CNTN3: variants seen among roughly 807,000 people sequenced by gnomAD.
CNTN3 encodes contactin 3, also known as contactin-3.
Under a neutral mutation model 119.1 loss-of-function variants are expected in CNTN3, and 60 were observed. The ratio of observed to expected loss-of-function variants is 0.50; its 90% CI spans 0.41 to 0.62. The LOEUF (loss-of-function observed/expected upper bound fraction) is 0.62, where lower values mean the gene tolerates loss of function less well. Ranked by LOEUF, CNTN3 falls within the 20% of genes least tolerant of loss-of-function variation. The pLI, the probability that CNTN3 is intolerant of heterozygous loss-of-function variation, is 0.00. For missense variants in CNTN3, 1,101 were observed against 1,242.4 expected (o/e 0.89, Z 1.71); for synonymous variants, 450 against 438.7 (o/e 1.03, Z -0.32).
chr3:74,595,229 C>T (rs1446845070), intron 1 of CNTN3, among the ~76,000 whole-genome samples: 21 of 151,440 alleles, frequency 1.4e-4, no homozygotes, highest in African/African-American at 4.6e-4. Flanking sequence ...AAAATTTTCT[C>T]CCATTTTGTA....
chr3:74,318,522 A>ATG (rs761614603), intron 13 of CNTN3, among the ~76,000 whole-genome samples: 61 of 152,166 alleles, frequency 4.0e-4, no homozygotes, highest in Admixed American at 9.2e-4. Flanking sequence ...TTTGGTGTGG[A>ATG]TGTCCTTTCT....
At chr3:74,331,512 A>G (rs1459168791) in intron 13 of CNTN3, among the ~76,000 whole-genome samples, 1 of 152,184 alleles carries the variant, frequency 6.6e-6, no homozygotes, top group Non-Finnish European at 1.5e-5. Flanking sequence ...CTGATGTGAA[A>G]AGAGATCCGA....
intron 1 of CNTN3, among the ~76,000 whole-genome samples, chr3:74,541,282 T>C (rs941133528): frequency 6.6e-6 from 1 of 152,092 alleles, no homozygotes; most frequent in African/African-American, 2.4e-5. Context: ...TTTACACTAC[T>C]CAACATGCAC....
At chr3:74,422,351 T>C (rs988045821) in intron 5 of CNTN3, among the ~76,000 whole-genome samples, 2 of 152,228 alleles carry the variant, frequency 1.3e-5, no homozygotes, top group Non-Finnish European at 2.9e-5. Context: ...ATGTCTGACA[T>C]CTGGGAAGAT....
intron 11 of CNTN3, among the ~76,000 whole-genome samples, chr3:74,359,639 T>TA (rs567993553): frequency 5.3e-4 from 81 of 152,296 alleles, no homozygotes; most frequent in African/African-American, 1.8e-3. Flanking sequence ...GCACCATCGC[T>TA]ATACAATGTG....
At chr3:74,481,010 A>C (rs1369939266) in intron 4 of CNTN3, among the ~76,000 whole-genome samples, 2 of 151,996 alleles carry the variant, frequency 1.3e-5, no homozygotes, top group African/African-American at 4.8e-5. Context: ...TTAATATAAC[A>C]ATATTAATAT....
At chr3:74,482,725 G>C (rs914088885) in intron 4 of CNTN3, among the ~76,000 whole-genome samples, 2 of 152,108 alleles carry the variant, frequency 1.3e-5, no homozygotes, top group African/African-American at 4.8e-5. Flanking sequence ...TGAACAATTA[G>C]AGAGAACATT....
At chr3:74,467,648 G>A (rs1177878046) in intron 4 of CNTN3, among the ~76,000 whole-genome samples, 1 of 152,012 alleles carries the variant, frequency 6.6e-6, no homozygotes, top group Non-Finnish European at 1.5e-5. Context: ...GAAATTAAGG[G>A]GTTGAGTTCA....
At chr3:74,385,369 T>C (rs1704722197) in intron 5 of CNTN3, among the ~76,000 whole-genome samples, 1 of 152,200 alleles carries the variant, frequency 6.6e-6, no homozygotes, top group African/African-American at 2.4e-5. Context: ...TCTCTGTCAC[T>C]TAACAAGGAG....
chr3:74,529,534 C>T (rs567422717), intron 1 of CNTN3, among the ~76,000 whole-genome samples: 1 of 152,012 alleles, frequency 6.6e-6, no homozygotes, highest in African/African-American at 2.4e-5. Flanking sequence ...GTTCCTCAGT[C>T]TCATTCTGAA....
At chr3:74,387,529 G>C (rs1704780849) in intron 5 of CNTN3, among the ~76,000 whole-genome samples, 1 of 152,250 alleles carries the variant, frequency 6.6e-6, no homozygotes, top group South Asian at 2.1e-4. Flanking sequence ...AGCTAAGTTT[G>C]CCATGAAGGC....
At chr3:74,473,054 T>C (rs1702593320) in intron 4 of CNTN3, among the ~76,000 whole-genome samples, 1 of 151,376 alleles carries the variant, frequency 6.6e-6, no homozygotes, top group Admixed American at 6.6e-5. Context: ...AATATTATAA[T>C]CTATAATAAT....
Position 74,588,794 on chromosome 3 carries a change from T to C in CNTN3, c.-81+25597A>G, listed in dbSNP as rs1274063189. On this transcript the variant is annotated intron_variant, in intron 1 of 22. Transcript: ENST00000263665. The stretch of plus-strand genomic sequence containing the variant: ...TGGAACAGAACAGAGCCCTCAGAAA[T>C]AACGCCGCATGTCTACAACTATCTG... Among the ~76,000 whole-genome samples the C allele has an allele frequency of 2.0e-5, 3 of 152,052 alleles. No homozygotes were observed. The South Asian group carries it at 6.2e-4, about 32-fold the overall frequency.
chr3:74,273,152 G>A (rs904156334), intron 20 of CNTN3, among the ~76,000 whole-genome samples: 3 of 152,100 alleles, frequency 2.0e-5, no homozygotes, highest in African/African-American at 7.2e-5. Flanking sequence ...AAAAATTTTA[G>A]AACTTCCAAA....
intron 4 of CNTN3, among the ~76,000 whole-genome samples, 181 bp from the exon 5 acceptor site, chr3:74,425,121 G>A (rs1295982667): frequency 2.6e-5 from 4 of 151,976 alleles, no homozygotes; most frequent in Non-Finnish European, 1.5e-5. Context: ...ACACGTACAG[G>A]TTTGTTATGT....
At chr3:74,575,606 A>ACACACACACAC (rs60119036) in intron 1 of CNTN3, among the ~76,000 whole-genome samples, 1 of 135,096 alleles carries the variant, frequency 7.4e-6, no homozygotes, top group Non-Finnish European at 1.6e-5. Flanking sequence ...AGTCTCTCCC[A>ACACACACACAC]ACACACACAC....
At chr3:74,273,199 A>G (rs1214326745) in intron 20 of CNTN3, among the ~76,000 whole-genome samples, 1 of 152,302 alleles carries the variant, frequency 6.6e-6, no homozygotes, top group East Asian at 1.9e-4. Context: ...TTTAATAAAA[A>G]CCGTCTGAAA....
chr3:74,313,033 A>G (rs1487169109), intron 13 of CNTN3, among the ~76,000 whole-genome samples: 1 of 152,172 alleles, frequency 6.6e-6, no homozygotes. Context: ...ACACTTTAAC[A>G]GATATAAGGA....
At chr3:74,325,023 G>C (rs925785632) in intron 13 of CNTN3, among the ~76,000 whole-genome samples, 6 of 151,906 alleles carry the variant, frequency 3.9e-5, no homozygotes, top group African/African-American at 1.2e-4. Context: ...TGAAATATCA[G>C]TTTGTACCCC....
Sources: allele counts gnomAD v4.1 joint callset (sites outside exome capture counted in the v4.1 genomes callset), GRCh38; gene constraint gnomAD v4.1.1; transcripts MANE v1.5; gene names NCBI Gene and HGNC (gene_info 2026-07-23, HGNC 2026-07-21).